The following POLR3B variants were observed in gnomAD, a reference collection of about 807,000 sequenced individuals.
POLR3B encodes the protein RNA polymerase III subunit B, also known as DNA-directed RNA polymerase III subunit RPC2.
In POLR3B, 96 loss-of-function variants were observed where a neutral mutation model predicts 147.4. The observed-to-expected ratio is 0.65, with a 90% confidence interval of 0.55 to 0.77. The LOEUF (loss-of-function observed/expected upper bound fraction) is 0.77, where lower values mean the gene tolerates loss of function less well. Ranked by LOEUF, POLR3B falls within the 30% of genes least tolerant of loss-of-function variation. The pLI, the probability that POLR3B is intolerant of heterozygous loss-of-function variation, is 0.00. For synonymous variants in POLR3B, 461 were observed against 485.9 expected, an observed-to-expected ratio of 0.95 and a Z score of 0.67; for missense variants, 1,036 against 1,413.5, an observed-to-expected ratio of 0.73 and a Z score of 4.28.
intron 23 of POLR3B, among the ~76,000 whole-genome samples, chr12:106,485,887 A>G (rs1011644525): frequency 1.3e-5 from 2 of 152,162 alleles, no homozygotes; most frequent in Admixed American, 6.5e-5. Flanking sequence ...TTATCTCCAC[A>G]TTTATAGTAT....
intron 10 of POLR3B, among the ~76,000 whole-genome samples, chr12:106,397,019 G>A (rs573206280): frequency 1.3e-5 from 2 of 151,840 alleles, no homozygotes; most frequent in East Asian, 3.9e-4. Context: ...TACTTGGGAG[G>A]CTGAGTGAGG....
intron 19 of POLR3B, among the ~76,000 whole-genome samples, chr12:106,449,430 G>C (rs2037769158): frequency 6.6e-6 from 1 of 152,138 alleles, no homozygotes; most frequent in Non-Finnish European, 1.5e-5. Context: ...TCCTCTCACA[G>C]TTGAAAATCT....
intron 12 of POLR3B, among the ~76,000 whole-genome samples, chr12:106,411,800 G>T (rs1055262320): frequency 2.0e-5 from 3 of 152,174 alleles, no homozygotes; most frequent in African/African-American, 7.2e-5. Flanking sequence ...TCAAGACTGT[G>T]TATCTCTTTC....
rs941706639 is a variant in POLR3B, at chr12:106,383,892, C to T, written c.723+3753C>T. Among the ~76,000 whole-genome samples the T allele has an allele frequency of 4.6e-5, 7 of 151,394 alleles. No individual in the cohort carries two copies. The East Asian group carries it at 9.7e-4, about 21-fold the overall frequency. On this transcript the variant is annotated intron_variant, in intron 9 of 27. Coordinates refer to ENST00000228347, the MANE Select transcript of POLR3B (RefSeq NM_018082.6). ...ACTTGGGAGGCTGAGGCAGAAGAAT[C>T]GCTTGAACCCGGGAGGTGGAGGTTG...
intron 1 of POLR3B, 54 bp downstream of exon 1, chr12:106,358,005 C>T (rs539227059): frequency 1.3e-6 from 2 of 1,598,706 alleles, no homozygotes; most frequent in Non-Finnish European, 1.7e-6. Flanking sequence ...CCTGAGGGGG[C>T]GTTGCCCGGA....
chr12:106,496,876 A>G lies in POLR3B; in HGVS notation c.2942A>G (p.Tyr981Cys), dbSNP rs2038496459. The G allele has an allele frequency of 1.2e-6, 2 of 1,614,010 alleles. No individual in the cohort carries two copies. The highest frequency in any genetic ancestry group is 1.7e-5 in the Admixed American group (1 of 60,002). Residue 981 changes from tyrosine to cysteine, a missense_variant, in exon 25 of 28, where the codon TAT (tyrosine) becomes TGT (cysteine). By Grantham distance (194) the Tyr-to-Cys change is radical. Coordinates refer to ENST00000228347, the MANE Select transcript of POLR3B (RefSeq NM_018082.6). Reference sequence around the variant, plus strand: ...TGTGAGGACCTCGTTCGCCATGGTTATAACTACTTGGGGAAAGACTATGTT... The same window carrying G: ...TGTGAGGACCTCGTTCGCCATGGTTGTAACTACTTGGGGAAAGACTATGTT... Reference protein sequence around the residue: ...DVCEDLVRHGYNYLGKDYVTS... With the variant: ...DVCEDLVRHGCNYLGKDYVTS...
chr12:106,459,726 A>G (rs765039877), intron 22 of POLR3B, among the ~76,000 whole-genome samples: 1 of 152,230 alleles, frequency 6.6e-6, no homozygotes, highest in Non-Finnish European at 1.5e-5. Context: ...GATAAGAGTC[A>G]TATTTTTAAA....
At chr12:106,367,166 AT>A (rs2036546321) in intron 4 of POLR3B, among the ~76,000 whole-genome samples, 1 of 152,214 alleles carries the variant, frequency 6.6e-6, no homozygotes, top group African/African-American at 2.4e-5. Flanking sequence ...CTCAAATTAA[AT>A]TTTTAACTGG....
chr12:106,404,555 T>C (rs2136930380), intron 10 of POLR3B, among the ~76,000 whole-genome samples: 1 of 152,352 alleles, frequency 6.6e-6, no homozygotes, highest in South Asian at 2.1e-4. Flanking sequence ...TGGCTATTTG[T>C]ATTTTCTTCT....
intron 18 of POLR3B, among the ~76,000 whole-genome samples, chr12:106,440,209 C>T (rs529510748): frequency 6.6e-6 from 1 of 152,300 alleles, no homozygotes; most frequent in African/African-American, 2.4e-5. Flanking sequence ...TGACATCAAT[C>T]CCTAGCTCAT....
intron 22 of POLR3B, among the ~76,000 whole-genome samples, chr12:106,461,173 C>T: frequency 6.6e-6 from 1 of 152,116 alleles, no homozygotes; most frequent in East Asian, 1.9e-4. Flanking sequence ...CGGCTCACTG[C>T]AGCCTCCACC....
At chr12:106,379,139 C>T (rs908318399) in intron 8 of POLR3B, among the ~76,000 whole-genome samples, 2 of 152,192 alleles carry the variant, frequency 1.3e-5, no homozygotes, top group African/African-American at 4.8e-5. Context: ...CACCTCAGTC[C>T]TCCAAGATAA....
intron 8 of POLR3B, among the ~76,000 whole-genome samples, 157 bp downstream of exon 8, chr12:106,378,541 A>G (rs1425344773): frequency 6.6e-6 from 1 of 152,232 alleles, no homozygotes; most frequent in Non-Finnish European, 1.5e-5. Flanking sequence ...AAAGTCTGGA[A>G]GCATAGGGTA....
chr12:106,431,413 G>A (rs2037508517), intron 14 of POLR3B, among the ~76,000 whole-genome samples: 1 of 152,156 alleles, frequency 6.6e-6, no homozygotes, highest in African/African-American at 2.4e-5. Context: ...CATTACTGCA[G>A]CAGATGGTTC....
intron 19 of POLR3B, among the ~76,000 whole-genome samples, chr12:106,445,834 C>G (rs1412809872): frequency 6.6e-6 from 1 of 152,170 alleles, no homozygotes; most frequent in African/African-American, 2.4e-5. Context: ...TTACCAACAA[C>G]CAGCTGCAAC....
At chr12:106,459,138 C>A in intron 21 of POLR3B, 113 bp from the exon 22 acceptor site, 1 of 736,870 alleles carries the variant, frequency 1.4e-6, no homozygotes, top group South Asian at 1.4e-5. Flanking sequence ...GTCCTCCTAC[C>A]GCAGCCTCCT....
chr12:106,437,176 A>G (rs1432562431), intron 17 of POLR3B, 45 bp downstream of exon 17: 7 of 1,201,464 alleles, frequency 5.8e-6, no homozygotes, highest in East Asian at 2.3e-5. Flanking sequence ...TAATACCCAC[A>G]TACATGATTT....
chr12:106,358,064 G>A lies in POLR3B; in HGVS notation c.72+113G>A, dbSNP rs561227574. The A allele has an allele frequency of 3.0e-5, 46 of 1,548,052 alleles. No homozygotes were observed. The African/African-American group carries it at 5.4e-4, about 18-fold the overall frequency. On this transcript the variant is annotated intron_variant, in intron 1 of 27. Coordinates refer to ENST00000228347, the MANE Select transcript of POLR3B (RefSeq NM_018082.6). ...GGCTGGCGGTTTGTGCGCATGCGCCGGGCTTCTGCGCATGCCCAGAGCGTC... is the reference window on the plus strand; with the variant it reads ...GGCTGGCGGTTTGTGCGCATGCGCCAGGCTTCTGCGCATGCCCAGAGCGTC...
chr12:106,443,081 A>G (rs529396556), intron 18 of POLR3B, among the ~76,000 whole-genome samples: 2 of 152,238 alleles, frequency 1.3e-5, no homozygotes, highest in Non-Finnish European at 2.9e-5. Flanking sequence ...TTAAAAAGGT[A>G]AAAAGAAACT....
Sources: gnomAD v4.1 joint callset for allele counts (sites outside exome capture counted in the v4.1 genomes callset) on GRCh38, gnomAD v4.1.1 for gene constraint, MANE v1.5 for transcripts, NCBI Gene and HGNC (gene_info 2026-07-23, HGNC 2026-07-21) for gene names.